COL4A5: variants seen among roughly 807,000 people sequenced by gnomAD.
COL4A5 encodes collagen type IV alpha 5 chain, also known as collagen alpha-5(IV) chain.
A neutral mutation model predicts 130.2 loss-of-function variants in COL4A5; 26 were observed. The observed-to-expected ratio is 0.20, with a 90% confidence interval of 0.15 to 0.28. The LOEUF (loss-of-function observed/expected upper bound fraction) is 0.28, where lower values mean the gene tolerates loss of function less well. Among genes scored for constraint, COL4A5 ranks in the 10% least tolerant of loss-of-function variants. The probability of loss-of-function intolerance (pLI) is 1.00; values close to 1 mark genes in which losing one functional copy is unlikely to be tolerated. For missense variants in COL4A5, 1,131 were observed against 1,344.3 expected (o/e 0.84, Z 2.48); for synonymous variants, 496 against 439.6 (o/e 1.13, Z -1.60).
At chrX:108,514,929 T>C (rs1235339137) in intron 1 of COL4A5, among the ~76,000 whole-genome samples, 1 of 111,703 alleles carries the variant, frequency 9.0e-6, no homozygotes, top group African/African-American at 3.3e-5. Flanking sequence ...TTTATAATTC[T>C]TTGAGCTTTT....
intron 36 of COL4A5, chrX:108,627,025 A>G (rs1603299221): frequency 1.4e-6 from 1 of 719,142 alleles, no homozygotes; most frequent in African/African-American, 2.4e-5. Flanking sequence ...TCCCAGTGAT[A>G]TAAGAATTTA....
At chrX:108,468,501 G>GT (rs58196181) in intron 1 of COL4A5, among the ~76,000 whole-genome samples, 2,142 of 91,504 alleles carry the variant, frequency 0.023, 39 homozygotes, top group African/African-American at 0.052. Flanking sequence ...TTTCGTAAGT[G>GT]TTTTTTTTTT....
In COL4A5 at chrX:108,626,196, C is replaced by T. The variant is rs1423462118; in HGVS notation, c.3107-14C>T. 1.7e-6 allele frequency: 2 copies of T among 1,198,794 alleles called. No individual in the cohort carries two copies. Among genetic ancestry groups the T allele is most frequent in the Middle Eastern group, 2.6e-4 (1 of 3,816 alleles). On this transcript the variant is annotated splice_polypyrimidine_tract_variant and intron_variant, in intron 35 of 52. Transcript: ENST00000328300. Reference sequence around the variant, plus strand: ...ATATTTTGTAAAATATTATATATCACATATTTTCAACAGGGCCTCAGGGTG... The same window carrying T: ...ATATTTTGTAAAATATTATATATCATATATTTTCAACAGGGCCTCAGGGTG...
chrX:108,618,204 G>C, intron 30 of COL4A5, among the ~76,000 whole-genome samples: 1 of 110,651 alleles, frequency 9.0e-6, no homozygotes, highest in Middle Eastern at 4.7e-3. Context: ...CTTCATCCTG[G>C]ATCTTACCAG....
chrX:108,657,353 A>G (rs1215957324), intron 37 of COL4A5, among the ~76,000 whole-genome samples: 3 of 111,368 alleles, frequency 2.7e-5, no homozygotes, highest in African/African-American at 6.5e-5. Context: ...TACTGTTCCA[A>G]TGGTTTATTT....
At chrX:108,494,603 T>C (rs75038903) in intron 1 of COL4A5, among the ~76,000 whole-genome samples, 1 of 110,939 alleles carries the variant, frequency 9.0e-6, no homozygotes, top group East Asian at 2.8e-4. Context: ...TTTTTTTTTT[T>C]CAGTGCACTT....
At chrX:108,558,720 A>C (rs1461672573) in intron 2 of COL4A5, among the ~76,000 whole-genome samples, 1 of 111,238 alleles carries the variant, frequency 9.0e-6, no homozygotes, top group Non-Finnish European at 1.9e-5. Flanking sequence ...TCCCTGCTCC[A>C]TACTTATTTA....
At chrX:108,451,815 A>G (rs1364831106) in intron 1 of COL4A5, among the ~76,000 whole-genome samples, 17 of 110,716 alleles carry the variant, frequency 1.5e-4, no homozygotes, top group Admixed American at 3.9e-4. Flanking sequence ...CTCTGATGGT[A>G]GTTTCTTTTG....
At chrX:108,444,289 G>A (rs995220402) in intron 1 of COL4A5, among the ~76,000 whole-genome samples, 4 of 106,890 alleles carry the variant, frequency 3.7e-5, no homozygotes, top group African/African-American at 1.4e-4. Context: ...CGATGATCTC[G>A]GCTCACTGCA....
At chrX:108,596,525 T>G (rs1222445501) in intron 22 of COL4A5, among the ~76,000 whole-genome samples, 1 of 112,374 alleles carries the variant, frequency 8.9e-6, no homozygotes, top group African/African-American at 3.2e-5. Flanking sequence ...TTTCCTCTAG[T>G]CTTTGGGCTG....
intron 1 of COL4A5, among the ~76,000 whole-genome samples, chrX:108,506,837 C>T (rs1035403284): frequency 9.0e-6 from 1 of 110,815 alleles, no homozygotes; most frequent in Non-Finnish European, 1.9e-5. Context: ...CCTTGATCTC[C>T]TGGGCTCAAG....
intron 49 of COL4A5, chrX:108,689,436 A>C (rs971787366): frequency 1.1e-5 from 8 of 753,386 alleles, no homozygotes; most frequent in Non-Finnish European, 1.3e-5. Context: ...GGAATCTGCT[A>C]TCAGCATGTA....
chrX:108,482,286 T>G (rs1026271514), intron 1 of COL4A5, among the ~76,000 whole-genome samples: 11 of 111,647 alleles, frequency 9.9e-5, no homozygotes, highest in African/African-American at 3.6e-4. Flanking sequence ...TCACCTCTAG[T>G]GGCCGCTGGG....
chrX:108,580,005 G>T (rs60507556), intron 13 of COL4A5, among the ~76,000 whole-genome samples: 1 of 112,020 alleles, frequency 8.9e-6, no homozygotes, highest in Non-Finnish European at 1.9e-5. Context: ...CTTTAAGTTA[G>T]AAACACCCTA....
At chrX:108,680,351 G>A (rs1369120111) in intron 44 of COL4A5, among the ~76,000 whole-genome samples, 4 of 111,360 alleles carry the variant, frequency 3.6e-5, no homozygotes, top group African/African-American at 9.8e-5. Flanking sequence ...TTAACTTTGC[G>A]CACCTCAGTT....
Position 108,652,955 on chromosome X carries a change from G to T in COL4A5, c.3247-2376G>T, listed in dbSNP as rs60068591. ...GCTGTGTGTCCGAGTCATTCAAATC[G>T]CTTCTACCTAGAAGTGCAAATAGAT... is the stretch of plus-strand genomic sequence containing the variant. On this transcript the variant is annotated intron_variant, in intron 36 of 52. Coordinates refer to ENST00000328300, the MANE Select transcript of COL4A5 (RefSeq NM_033380.3). Among the ~76,000 whole-genome samples the T allele has an allele frequency of 6.1e-3, 683 of 111,580 alleles. 2 individuals carry two copies. The highest frequency in any genetic ancestry group is 0.037 in the East Asian group (130 of 3,519).
At chrX:108,584,340 T>G in intron 17 of COL4A5, 144 bp from the exon 18 acceptor site, 1 of 522,963 alleles carries the variant, frequency 1.9e-6, no homozygotes, top group African/African-American at 2.4e-5. Context: ...CTCAGAATTG[T>G]TTCATTACTT....
Position 108,582,929 on chromosome X carries a change from G to A in COL4A5, c.982G>A (p.Gly328Ser), listed in dbSNP as rs2066274484. The change falls in exon 17 of 53, where the codon GGT becomes AGT. Residue 328 changes from glycine to serine, a missense_variant. Transcript: ENST00000328300. ...TTACCCTGGTGAACCCGGAAGGGAT[G>A]GTGAAAAGGTAAGAATTTTAATACT... Reference protein sequence around the residue: ...PGYPGEPGRDGEKGQKGDTGP... With the variant: ...PGYPGEPGRDSEKGQKGDTGP... 8.4e-7 allele frequency: 1 copy of A among 1,196,912 alleles called. No homozygotes were observed. Among genetic ancestry groups the A allele is most frequent in the Admixed American group, 2.2e-5 (1 of 45,591 alleles).
chrX:108,661,281 G>C (rs1449681842), intron 37 of COL4A5, among the ~76,000 whole-genome samples: 1 of 111,209 alleles, frequency 9.0e-6, no homozygotes, highest in Non-Finnish European at 1.9e-5. Flanking sequence ...CTGTATCACA[G>C]GTCACTGAGG....
Sources: gnomAD v4.1 joint callset for allele counts (sites outside exome capture counted in the v4.1 genomes callset) on GRCh38, gnomAD v4.1.1 for gene constraint, MANE v1.5 for transcripts, NCBI Gene and HGNC (gene_info 2026-07-23, HGNC 2026-07-21) for gene names.